ASAP1: variants seen among roughly 807,000 people sequenced by gnomAD.
The protein encoded by ASAP1 is arf-GAP with SH3 domain, ANK repeat and PH domain-containing protein 1.
Under a neutral mutation model 145.2 loss-of-function variants are expected in ASAP1, and 43 were observed. The ratio of observed to expected loss-of-function variants is 0.30; its 90% confidence interval spans 0.23 to 0.38. ASAP1 has a LOEUF of 0.38. Among genes scored for constraint, ASAP1 ranks in the 10% least tolerant of loss-of-function variants. The probability of loss-of-function intolerance (pLI) is 1.00; values close to 1 mark genes in which losing one functional copy is unlikely to be tolerated. For missense variants in ASAP1, 1,018 were observed against 1,355.3 expected (o/e 0.75, Z 3.91); for synonymous variants, 546 against 515.5 (o/e 1.06, Z -0.80).
chr8:130,308,062 C>T (rs548226626), intron 3 of ASAP1, among the ~76,000 whole-genome samples: 1 of 152,174 alleles, frequency 6.6e-6, no homozygotes, highest in Non-Finnish European at 1.5e-5. Context: ...GCAAAACATT[C>T]TTGAATTTAT....
rs1002301395 is a variant in ASAP1 at position 130,344,695 on chromosome 8, T to G, written c.186+13322A>C. On this transcript the variant is annotated intron_variant, in intron 3 of 29. Transcript: ENST00000518721. ...CCTGCAGTAAGTAAGCATGATTATG[T>G]CACTGCATTCCAGCCTGGGCAGCAG... Among the ~76,000 whole-genome samples, 10 of 152,168 alleles carry G rather than the reference T, an allele frequency of 6.6e-5. 1 individual carries two copies. The highest frequency in any genetic ancestry group is 1.2e-4 in the Non-Finnish European group (8 of 68,028).
At chr8:130,391,358 C>T (rs1000536610) in intron 2 of ASAP1, among the ~76,000 whole-genome samples, 5 of 152,088 alleles carry the variant, frequency 3.3e-5, no homozygotes, top group African/African-American at 4.8e-5. Context: ...AGATGGATTT[C>T]GCGGCAATGG....
chr8:130,443,271 C>G (rs1040968649), intron 1 of ASAP1, among the ~76,000 whole-genome samples, 189 bp downstream of exon 1: 7 of 151,906 alleles, frequency 4.6e-5, no homozygotes, highest in Non-Finnish European at 8.8e-5. Flanking sequence ...GCGCGTCCCG[C>G]ACACGCCCCA....
At chr8:130,070,681 A>G (rs1442385407) in intron 27 of ASAP1, among the ~76,000 whole-genome samples, 2 of 151,490 alleles carry the variant, frequency 1.3e-5, no homozygotes, top group African/African-American at 4.9e-5. Context: ...TGAAATACCC[A>G]TGCTGTCTCA....
intron 3 of ASAP1, among the ~76,000 whole-genome samples, chr8:130,297,723 C>CG (rs939358103): frequency 1.8e-4 from 28 of 152,114 alleles, no homozygotes; most frequent in Non-Finnish European, 2.8e-4. Context: ...GAAAACAAAG[C>CG]GGGGGGGCGG....
rs185231466 is a variant in ASAP1 at position 130,290,101 on chromosome 8, C to T, written c.187-53107G>A. 3.7e-4 allele frequency among the ~76,000 whole-genome samples: 57 copies of T among 152,218 alleles called. 1 individual carries two copies. Among genetic ancestry groups the T allele is most frequent in the Admixed American group, 3.3e-3 (50 of 15,280 alleles). ...TTCATCTTTGTATCTCCAATACTAG[C>T]ACAGCAATAGCAACATAAAAGGGTG... On this transcript the variant is annotated intron_variant, in intron 3 of 29. Coordinates refer to ENST00000518721, the MANE Select transcript of ASAP1 (RefSeq NM_018482.4).
rs548518556 is a variant in ASAP1 at position 130,155,829 on chromosome 8, C to T, written c.1011-3024G>A. On this transcript the variant is annotated intron_variant, in intron 12 of 29. Coordinates refer to ENST00000518721, the MANE Select transcript of ASAP1 (RefSeq NM_018482.4). ...TCTGGTGCTCACAGAGAGTGCCACA[C>T]ACGATTACTGATTATGCCATGCTAG... 2.6e-5 allele frequency among the ~76,000 whole-genome samples: 4 copies of T among 152,356 alleles called. No homozygotes were observed. In the East Asian group the frequency reaches 7.7e-4, roughly 29 times the overall value.
intron 1 of ASAP1, among the ~76,000 whole-genome samples, chr8:130,428,418 T>C (rs878972996): frequency 4.6e-5 from 6 of 129,842 alleles, no homozygotes; most frequent in African/African-American, 6.6e-5. Context: ...ACCACCACCA[T>C]CACCATCATC....
At chr8:130,170,161 T>C (rs921861848) in intron 9 of ASAP1, among the ~76,000 whole-genome samples, 4 of 151,376 alleles carry the variant, frequency 2.6e-5, no homozygotes, top group Non-Finnish European at 5.9e-5. Flanking sequence ...GCAGACTGAA[T>C]GAAGCAATAT....
At chr8:130,424,973 A>G (rs74333529) in intron 1 of ASAP1, among the ~76,000 whole-genome samples, 14,710 of 151,388 alleles carry the variant, frequency 0.097, 974 homozygotes, top group South Asian at 0.28. Flanking sequence ...AGCCTGGGTG[A>G]CAGAGCGAGA....
At chr8:130,066,167 T>C (rs182893467) in intron 27 of ASAP1, among the ~76,000 whole-genome samples, 68 of 152,310 alleles carry the variant, frequency 4.5e-4, no homozygotes, top group African/African-American at 1.6e-3. Flanking sequence ...GCCTTCCCAA[T>C]AAAATCTCCC....
chr8:130,097,126 CAAAAAAAAAAAA>C (rs61591724), intron 24 of ASAP1, among the ~76,000 whole-genome samples: 833 of 53,500 alleles, frequency 0.016, 2 homozygotes, highest in African/African-American at 0.041. Flanking sequence ...AGTTAGTCTC[CAAAAAAAAAAAA>C]AAAAAAAAAA....
intron 1 of ASAP1, among the ~76,000 whole-genome samples, chr8:130,414,669 A>G (rs570998396): frequency 1.9e-4 from 29 of 152,206 alleles, no homozygotes; most frequent in Admixed American, 1.2e-3. Flanking sequence ...CAGCCAAAGT[A>G]CATGATCTAT....
intron 1 of ASAP1, among the ~76,000 whole-genome samples, chr8:130,435,934 G>T (rs557961622): frequency 6.6e-6 from 1 of 152,110 alleles, no homozygotes; most frequent in Non-Finnish European, 1.5e-5. Flanking sequence ...AAACACTTAG[G>T]GCCTTTGCTG....
At position 130,053,548 on chromosome 8, in the gene ASAP1, A is replaced by G. The variant is rs1285583382; in HGVS notation, c.*1183T>C. ...GACAGAGCTTAAGACTGGAAAAATT[A>G]TCTATAATTGGGGTTTAACAAAGAG... On this transcript the variant is annotated 3_prime_UTR_variant, in exon 30 of 30. Transcript: ENST00000518721. The G allele has an allele frequency of 6.6e-6, 1 of 152,226 alleles. No individual in the cohort carries two copies. Among genetic ancestry groups the G allele is most frequent in the Non-Finnish European group, 1.5e-5 (1 of 68,032 alleles). 9.4% of individuals were successfully genotyped at this position (152,226 alleles called of 1,614,324 possible). A position where few individuals can be genotyped will look rare whatever the true frequency, so the allele number is the denominator to read the frequency against.
chr8:130,233,588 C>G (rs1190545509), intron 4 of ASAP1, among the ~76,000 whole-genome samples: 2 of 152,144 alleles, frequency 1.3e-5, no homozygotes, highest in African/African-American at 4.8e-5. Flanking sequence ...TCATTTCCTC[C>G]AAGTGGTACT....
intron 5 of ASAP1, among the ~76,000 whole-genome samples, chr8:130,197,593 G>C (rs1033915387): frequency 6.6e-6 from 1 of 152,204 alleles, no homozygotes; most frequent in Non-Finnish European, 1.5e-5. Context: ...AACACACGCA[G>C]TTAGCTGAGA....
At chr8:130,196,108 G>A (rs1815468817) in intron 5 of ASAP1, among the ~76,000 whole-genome samples, 1 of 152,200 alleles carries the variant, frequency 6.6e-6, no homozygotes, top group Non-Finnish European at 1.5e-5. Context: ...CTGGAAGGCC[G>A]AGGCAGGCGG....
At chr8:130,344,523 C>A (rs951595404) in intron 3 of ASAP1, among the ~76,000 whole-genome samples, 3 of 152,072 alleles carry the variant, frequency 2.0e-5, no homozygotes, top group African/African-American at 7.2e-5. Context: ...ATTGTTGAAA[C>A]TGAATGATAG....
Sources: allele counts gnomAD v4.1 joint callset (sites outside exome capture counted in the v4.1 genomes callset), GRCh38; gene constraint gnomAD v4.1.1; transcripts MANE v1.5; gene names NCBI Gene and HGNC (gene_info 2026-07-23, HGNC 2026-07-21).